The following GRK5 variants were observed in gnomAD, a reference collection of about 807,000 sequenced individuals.
GRK5 encodes the protein G protein-coupled receptor kinase 5.
Under a neutral mutation model 78.4 loss-of-function variants are expected in GRK5, and 40 were observed. That is an observed-to-expected ratio of 0.51 (90% CI 0.40 to 0.66). The LOEUF (loss-of-function observed/expected upper bound fraction) is 0.66. Among genes scored for constraint, GRK5 ranks in the 30% least tolerant of loss-of-function variants. GRK5 has a pLI of 0.00. For synonymous variants in GRK5, 289 were observed against 296.8 expected (o/e 0.97, Z 0.27); for missense variants, 598 against 759.9 (o/e 0.79, Z 2.50).
chr10:119,286,846 G>A (rs750804688), intron 1 of GRK5, among the ~76,000 whole-genome samples: 2 of 152,188 alleles, frequency 1.3e-5, no homozygotes, highest in Non-Finnish European at 2.9e-5. Flanking sequence ...GGGATCAAAG[G>A]CTCAGTGTGT....
chr10:119,343,481 G>A (rs1035633121), intron 2 of GRK5, among the ~76,000 whole-genome samples: 6 of 152,236 alleles, frequency 3.9e-5, no homozygotes, highest in Non-Finnish European at 8.8e-5. Flanking sequence ...AGGTTGGTAA[G>A]TTGCTCACAG....
At chr10:119,280,766 T>TC (rs1285898586) in intron 1 of GRK5, among the ~76,000 whole-genome samples, 1 of 138,282 alleles carries the variant, frequency 7.2e-6, no homozygotes, top group Admixed American at 7.9e-5. Flanking sequence ...CTTCCTTCCC[T>TC]CCCTCCCTCC....
intron 1 of GRK5, among the ~76,000 whole-genome samples, chr10:119,226,294 T>C (rs1848739187): frequency 6.7e-6 from 1 of 150,190 alleles, no homozygotes; most frequent in South Asian, 2.1e-4. Flanking sequence ...TCTTTTTCTT[T>C]TTTTTTTTTT....
chr10:119,216,887 C>T (rs577427535), intron 1 of GRK5, among the ~76,000 whole-genome samples: 1 of 152,016 alleles, frequency 6.6e-6, no homozygotes, highest in Non-Finnish European at 1.5e-5. Flanking sequence ...CCTGGGAGTG[C>T]CACTGCACTC....
intron 1 of GRK5, among the ~76,000 whole-genome samples, chr10:119,231,205 G>A (rs943367554): frequency 6.6e-5 from 10 of 151,968 alleles, no homozygotes; most frequent in African/African-American, 2.4e-4. Flanking sequence ...AACATACAAG[G>A]AACTCAAACA....
At chr10:119,209,171 G>A (rs375697751) in intron 1 of GRK5, among the ~76,000 whole-genome samples, 2 of 152,222 alleles carry the variant, frequency 1.3e-5, no homozygotes, top group East Asian at 3.9e-4. Context: ...TATTCAGCCC[G>A]TTCCATCACC....
intron 1 of GRK5, among the ~76,000 whole-genome samples, chr10:119,245,005 C>T (rs949568827): frequency 2.6e-5 from 4 of 152,066 alleles, no homozygotes; most frequent in African/African-American, 7.2e-5. Flanking sequence ...AGGCTGGGCG[C>T]GGTGGCTCGC....
intron 15 of GRK5, 83 bp from the exon 16 acceptor site, chr10:119,454,886 C>T: frequency 1.1e-6 from 1 of 873,260 alleles, no homozygotes. Context: ...TTGGAGCAGG[C>T]AGAGGCAGCC....
In GRK5 at chr10:119,445,906, G is replaced by T. The variant is rs749212173; in HGVS notation, c.1266+2154G>T. Among the ~76,000 whole-genome samples, 4 of 151,380 alleles carry T rather than the reference G, an allele frequency of 2.6e-5. No individual in the cohort carries two copies. On this transcript the variant is annotated intron_variant, in intron 12 of 15. Coordinates refer to ENST00000392870, the MANE Select transcript of GRK5 (RefSeq NM_005308.3). The surrounding 1 kb of genome is among the most constrained non-coding windows in gnomAD (Gnocchi z 4.1). ...TGTCCCCCATTCTACCTTAGCAGCCGCAGAACCCACTCCCCCTCCTCTGGA... is the reference window on the plus strand; with the variant it reads ...TGTCCCCCATTCTACCTTAGCAGCCTCAGAACCCACTCCCCCTCCTCTGGA...
chr10:119,431,543 G>T lies in GRK5; in HGVS notation c.738+16G>T. On this transcript the variant is annotated intron_variant, in intron 8 of 15. Coordinates refer to ENST00000392870, the MANE Select transcript of GRK5 (RefSeq NM_005308.3). The surrounding 1 kb of genome is among the most constrained non-coding windows in gnomAD (Gnocchi z 4.8). ...TCAGTTTGTGGTGAGTGAGCATCTG[G>T]GCCCAGTGACCGGCTCGCCCTTCTG... 1 of 1,609,740 alleles carries T rather than the reference G, an allele frequency of 6.2e-7. No homozygotes were observed. The highest frequency in any genetic ancestry group is 1.3e-5 in the African/African-American group (1 of 74,860).
intron 2 of GRK5, among the ~76,000 whole-genome samples, chr10:119,363,758 T>C (rs551403518): frequency 6.6e-6 from 1 of 152,326 alleles, no homozygotes; most frequent in African/African-American, 2.4e-5. Flanking sequence ...CAGAACTAAC[T>C]TGGATCTGTT....
At chr10:119,344,994 A>G (rs183604513) in intron 2 of GRK5, among the ~76,000 whole-genome samples, 1 of 143,410 alleles carries the variant, frequency 7.0e-6, no homozygotes, top group East Asian at 2.1e-4. Context: ...TCTGAGATGG[A>G]ATCTCGCTCT....
intron 2 of GRK5, among the ~76,000 whole-genome samples, chr10:119,353,069 C>T (rs546249892): frequency 4.9e-4 from 74 of 152,308 alleles, no homozygotes; most frequent in African/African-American, 1.7e-3. Context: ...TCTGGGTTGC[C>T]AATGTTGTTC....
At chr10:119,442,771 G>A (rs1453434102) in intron 11 of GRK5, among the ~76,000 whole-genome samples, 1 of 152,236 alleles carries the variant, frequency 6.6e-6, no homozygotes, top group Non-Finnish European at 1.5e-5. Flanking sequence ...CTTGTCTCTG[G>A]TGCTAGAGGG....
intron 2 of GRK5, among the ~76,000 whole-genome samples, chr10:119,352,991 G>A (rs1316618865): frequency 6.6e-6 from 1 of 152,214 alleles, no homozygotes; most frequent in Non-Finnish European, 1.5e-5. Flanking sequence ...TCTTATCTCA[G>A]GAGGGTATGC....
At chr10:119,329,857 CT>C (rs1177940254) in intron 2 of GRK5, among the ~76,000 whole-genome samples, 230 of 110,384 alleles carry the variant, frequency 2.1e-3, no homozygotes, top group African/African-American at 6.0e-3. Flanking sequence ...CAGACACCTA[CT>C]TTTTTTTTTT....
In GRK5 at chr10:119,430,294, C is replaced by A; in HGVS notation, c.534-81C>A. On this transcript the variant is annotated intron_variant, in intron 6 of 15. Coordinates refer to ENST00000392870, the MANE Select transcript of GRK5 (RefSeq NM_005308.3). This position sits in a 1 kb window ranked among gnomAD's most constrained non-coding sequence, Gnocchi z 4.5. ...CTCCTGGAATTATACCCCACCCCAGCTGCTCTCAATGTGCCACTGTTTCCT... is the reference window on the plus strand; with the variant it reads ...CTCCTGGAATTATACCCCACCCCAGATGCTCTCAATGTGCCACTGTTTCCT... 1 of 1,236,606 alleles carries A rather than the reference C, an allele frequency of 8.1e-7. No homozygotes were observed. The highest frequency in any genetic ancestry group is 1.2e-6 in the Non-Finnish European group (1 of 840,924). The allele number at this position is 1,236,606 out of a possible 1,614,324, so 76.6% of individuals were successfully genotyped here.
rs149683287 is a variant in GRK5, at chr10:119,390,316, G to A, written c.262-6379G>A. Reference sequence around the variant, plus strand: ...GTGGCTAGGGATGCCTCACAGTCATGATGGAAGGTGAAAGGCACGTCTCAC... The same window carrying A: ...GTGGCTAGGGATGCCTCACAGTCATAATGGAAGGTGAAAGGCACGTCTCAC... On this transcript the variant is annotated intron_variant, in intron 3 of 15. Coordinates refer to ENST00000392870, the MANE Select transcript of GRK5 (RefSeq NM_005308.3). Among the ~76,000 whole-genome samples the A allele has an allele frequency of 7.3e-3, 1,119 of 152,318 alleles. 17 individuals carry two copies. The highest frequency in any genetic ancestry group is 0.026 in the African/African-American group (1,079 of 41,552).
chr10:119,254,543 A>G (rs1849250573), intron 1 of GRK5, among the ~76,000 whole-genome samples: 1 of 151,670 alleles, frequency 6.6e-6, no homozygotes, highest in Admixed American at 6.6e-5. Context: ...GGGTGTGGCT[A>G]TCTTATTTCT....
Sources: gnomAD v4.1 joint callset for allele counts (sites outside exome capture counted in the v4.1 genomes callset) on GRCh38, gnomAD v4.1.1 for gene constraint, Gnocchi (gnomAD v3.1) non-coding constraint, MANE v1.5 for transcripts, NCBI Gene and HGNC (gene_info 2026-07-23, HGNC 2026-07-21) for gene names.